Variants in PMEPA1 observed in about 807,000 individuals in gnomAD.
PMEPA1 encodes the protein protein TMEPAI.
A neutral mutation model predicts 23.0 loss-of-function variants in PMEPA1; 11 were observed. The observed-to-expected ratio is 0.48, with a 90% CI of 0.30 to 0.79. The LOEUF (loss-of-function observed/expected upper bound fraction) is 0.79. PMEPA1 is among the 30% of genes least tolerant of loss of function. The pLI, the probability that PMEPA1 is intolerant of heterozygous loss-of-function variation, is 0.06. For missense variants in PMEPA1, 377 were observed against 390.9 expected (o/e 0.96, Z 0.30); for synonymous variants, 204 against 166.4 (o/e 1.23, Z -1.74).
At chr20:57,709,199 C>G (rs1259800608) in intron 1 of PMEPA1, among the ~76,000 whole-genome samples, 3 of 151,266 alleles carry the variant, frequency 2.0e-5, no homozygotes, top group Non-Finnish European at 4.4e-5. Flanking sequence ...CCTCCCGCGC[C>G]GTGCGCCGCC....
rs551886568 is a variant in PMEPA1, at chr20:57,651,483, T to C, written c.*570A>G. ...TAAATAACTCTAAACCCCTGCTTTG[T>C]AATTTTTTTCTTTACAAGGTAATAC... On this transcript the variant is annotated 3_prime_UTR_variant, in exon 4 of 4. Coordinates refer to ENST00000341744, the MANE Select transcript of PMEPA1 (RefSeq NM_020182.5). 9 of 152,802 alleles carry C rather than the reference T, an allele frequency of 5.9e-5. No individual in the cohort carries two copies. In the South Asian group the frequency reaches 1.4e-3, roughly 25 times the overall value. The allele number at this position is 152,802 out of a possible 1,614,324, so 9.5% of individuals were successfully genotyped here. A position where few individuals can be genotyped will look rare whatever the true frequency, so the allele number is the denominator to read the frequency against.
chr20:57,691,552 C>T (rs1004339174), intron 1 of PMEPA1, among the ~76,000 whole-genome samples: 1 of 152,174 alleles, frequency 6.6e-6, no homozygotes, highest in Non-Finnish European at 1.5e-5. Flanking sequence ...GATGCCAGCT[C>T]CTACTCCCCA....
intron 1 of PMEPA1, among the ~76,000 whole-genome samples, chr20:57,707,502 G>A (rs773481904): frequency 6.6e-6 from 1 of 152,220 alleles, no homozygotes; most frequent in Non-Finnish European, 1.5e-5. Context: ...TTAACCCCAA[G>A]GGTCCCAATC....
At chr20:57,687,824 T>G (rs1422348296) in intron 1 of PMEPA1, among the ~76,000 whole-genome samples, 1 of 152,104 alleles carries the variant, frequency 6.6e-6, no homozygotes, top group African/African-American at 2.4e-5. Context: ...CCTTCTCAAC[T>G]CCAAGCTGAC....
In PMEPA1 at chr20:57,649,082, A is replaced by T. The variant is rs1213089701; in HGVS notation, c.*2971T>A. The T allele has an allele frequency of 6.6e-6, 1 of 152,130 alleles. No homozygotes were observed. The highest frequency in any genetic ancestry group is 1.9e-4 in the East Asian group (1 of 5,184). 9.4% of individuals were successfully genotyped at this position (152,130 alleles called of 1,614,324 possible). A position where few individuals can be genotyped will look rare whatever the true frequency, so the allele number is the denominator to read the frequency against. ...GGTGGTGATTGACAGGCAGGGAGAC[A>T]GTGACAAGGCTAGAGAAAGCCACGC... On this transcript the variant is annotated 3_prime_UTR_variant, in exon 4 of 4. Coordinates refer to ENST00000341744, the MANE Select transcript of PMEPA1 (RefSeq NM_020182.5).
chr20:57,688,295 A>C (rs953913864), intron 1 of PMEPA1, among the ~76,000 whole-genome samples: 1 of 152,126 alleles, frequency 6.6e-6, no homozygotes, highest in Non-Finnish European at 1.5e-5. Flanking sequence ...GATTGAGTTA[A>C]ATCAGGGTTC....
intron 1 of PMEPA1, among the ~76,000 whole-genome samples, chr20:57,660,020 C>A (rs1173965822): frequency 6.6e-6 from 1 of 152,170 alleles, no homozygotes; most frequent in Non-Finnish European, 1.5e-5. Flanking sequence ...CTGCTCTCTG[C>A]TCTCAGAGCC....
intron 1 of PMEPA1, among the ~76,000 whole-genome samples, chr20:57,679,049 G>A (rs1453023292): frequency 6.6e-6 from 1 of 152,232 alleles, no homozygotes. Context: ...TTTTGAAGAA[G>A]AGTCCTCCTC....
intron 1 of PMEPA1, among the ~76,000 whole-genome samples, chr20:57,691,099 T>A (rs2071876250): frequency 6.6e-6 from 1 of 152,198 alleles, no homozygotes; most frequent in Admixed American, 6.5e-5. Flanking sequence ...CGATTTCCAG[T>A]CTGCCACACT....
intron 1 of PMEPA1, among the ~76,000 whole-genome samples, chr20:57,676,538 C>T (rs2071639235): frequency 6.6e-6 from 1 of 152,172 alleles, no homozygotes; most frequent in African/African-American, 2.4e-5. Flanking sequence ...AGAATCACAA[C>T]TGGTACGAAA....
rs1312474869 is a variant in PMEPA1, at chr20:57,683,162, C to T, written c.110-23465G>A. Among the ~76,000 whole-genome samples, 6 of 152,282 alleles carry T rather than the reference C, an allele frequency of 3.9e-5. No homozygotes were observed. The East Asian group carries it at 9.6e-4, about 24-fold the overall frequency. ...CACGTTAGAGGGCACGGATATCCCCCACTGCTTTTTAAAAAGAAAAAGAAG... is the reference window on the plus strand; with the variant it reads ...CACGTTAGAGGGCACGGATATCCCCTACTGCTTTTTAAAAAGAAAAAGAAG... On this transcript the variant is annotated intron_variant, in intron 1 of 3. Coordinates refer to ENST00000341744, the MANE Select transcript of PMEPA1 (RefSeq NM_020182.5). The surrounding 1 kb of genome is among the most constrained non-coding windows in gnomAD (Gnocchi z 4.3).
At chr20:57,692,565 C>T (rs371714042) in intron 1 of PMEPA1, among the ~76,000 whole-genome samples, 5 of 152,346 alleles carry the variant, frequency 3.3e-5, no homozygotes, top group East Asian at 1.9e-4. Context: ...CTGCAGCTGG[C>T]GGGTCACGAG....
intron 1 of PMEPA1, among the ~76,000 whole-genome samples, chr20:57,691,591 G>A (rs1048914069): frequency 6.6e-6 from 1 of 152,140 alleles, no homozygotes; most frequent in African/African-American, 2.4e-5. Flanking sequence ...CTCAGGGATG[G>A]GGTAGGGAGA....
intron 1 of PMEPA1, among the ~76,000 whole-genome samples, chr20:57,697,629 C>T (rs1379487333): frequency 2.6e-5 from 4 of 152,172 alleles, no homozygotes; most frequent in African/African-American, 4.8e-5. Context: ...CCTTGTTCCC[C>T]GATGCAGAGT....
In PMEPA1 at chr20:57,660,178, G is replaced by A. The variant is rs141283961; in HGVS notation, c.110-481C>T. Among the ~76,000 whole-genome samples, 662 of 152,212 alleles carry A rather than the reference G, an allele frequency of 4.3e-3. 6 individuals are homozygous for A. The highest frequency in any genetic ancestry group is 0.02 in the Middle Eastern group (6 of 294). On this transcript the variant is annotated intron_variant, in intron 1 of 3. Coordinates refer to ENST00000341744, the MANE Select transcript of PMEPA1 (RefSeq NM_020182.5). Reference sequence around the variant, plus strand: ...GGGAGGGAGCAGTTGGGAGGAGAAGGGGACCCCTGAGTGCGGAGAGAGGAA... The same window carrying A: ...GGGAGGGAGCAGTTGGGAGGAGAAGAGGACCCCTGAGTGCGGAGAGAGGAA...
chr20:57,649,955 A>G lies in PMEPA1; in HGVS notation c.*2098T>C, dbSNP rs1168269433. On this transcript the variant is annotated 3_prime_UTR_variant, in exon 4 of 4. Coordinates refer to ENST00000341744, the MANE Select transcript of PMEPA1 (RefSeq NM_020182.5). ...ATCATCTTTACAAGTGCGTCCTTGT[A>G]CCTTTCGGGATAACCTGTACTGATT... 1.3e-5 allele frequency: 2 copies of G among 152,642 alleles called. No individual in the cohort carries two copies. Among genetic ancestry groups the G allele is most frequent in the Non-Finnish European group, 2.9e-5 (2 of 68,048 alleles). 9.5% of individuals were successfully genotyped at this position (152,642 alleles called of 1,614,324 possible). A position where few individuals can be genotyped will look rare whatever the true frequency, so the allele number is the denominator to read the frequency against.
rs550814815 is a variant in PMEPA1, at chr20:57,656,511, C to T, written c.264+3032G>A. ...CCTTTCTGGGTAAACCTGAAGTCTG[C>T]GCCACTCCGTGGCTGGGCGGTCACT... is the stretch of plus-strand genomic sequence containing the variant. On this transcript the variant is annotated intron_variant, in intron 2 of 3. Transcript: ENST00000341744. The surrounding 1 kb of genome is among the most constrained non-coding windows in gnomAD (Gnocchi z 4.7). Among the ~76,000 whole-genome samples, 4 of 152,250 alleles carry T rather than the reference C, an allele frequency of 2.6e-5. No homozygotes were observed. Among genetic ancestry groups the T allele is most frequent in the East Asian group, 3.9e-4 (2 of 5,114 alleles).
intron 1 of PMEPA1, among the ~76,000 whole-genome samples, chr20:57,675,887 T>C (rs157089): frequency 6.6e-6 from 1 of 152,090 alleles, no homozygotes; most frequent in Non-Finnish European, 1.5e-5. Context: ...ATGAGTCTCT[T>C]CCTCTTTCTT....
In PMEPA1 at chr20:57,682,954, A is replaced by C. The variant is rs1410006169; in HGVS notation, c.110-23257T>G. ...AAGGCAGCACACCAAGACGGTCTTG[A>C]AACTCCGGCTTCTCCAACTCTTCAG... On this transcript the variant is annotated intron_variant, in intron 1 of 3. Coordinates refer to ENST00000341744, the MANE Select transcript of PMEPA1 (RefSeq NM_020182.5). The surrounding 1 kb of genome is among the most constrained non-coding windows in gnomAD (Gnocchi z 4.4). Among the ~76,000 whole-genome samples, 1 of 152,336 alleles carries C rather than the reference A, an allele frequency of 6.6e-6. No individual in the cohort carries two copies. Among genetic ancestry groups the C allele is most frequent in the South Asian group, 2.1e-4 (1 of 4,826 alleles).
Sources: gnomAD v4.1 joint callset for allele counts (sites outside exome capture counted in the v4.1 genomes callset) on GRCh38, gnomAD v4.1.1 for gene constraint, Gnocchi (gnomAD v3.1) non-coding constraint, MANE v1.5 for transcripts, NCBI Gene and HGNC (gene_info 2026-07-23, HGNC 2026-07-21) for gene names.